CRYBG1: variants seen among roughly 807,000 people sequenced by gnomAD.
The protein encoded by CRYBG1 is beta/gamma crystallin domain-containing protein 1.
In CRYBG1, 139 loss-of-function variants were observed where a neutral mutation model predicts 189.2. That is an observed-to-expected ratio of 0.73 (90% CI 0.64 to 0.85). The LOEUF (loss-of-function observed/expected upper bound fraction) is 0.85. CRYBG1 is among the 40% of genes least tolerant of loss of function. The probability of loss-of-function intolerance (pLI) is 0.00; values close to 1 mark genes in which losing one functional copy is unlikely to be tolerated. For missense variants in CRYBG1, 2,611 were observed against 2,675.8 expected, an observed-to-expected ratio of 0.98 and a Z score of 0.53; for synonymous variants, 1,023 against 1,017.1, an observed-to-expected ratio of 1.01 and a Z score of -0.11.
At chr6:106,537,273 C>T (rs79463573) in intron 8 of CRYBG1, among the ~76,000 whole-genome samples, 1,551 of 152,282 alleles carry the variant, frequency 0.01, 27 homozygotes, top group African/African-American at 0.035. Flanking sequence ...ATCGCTTGCT[C>T]GTGAGCCGTA....
chr6:106,460,851 G>C (rs1368622836), intron 2 of CRYBG1, among the ~76,000 whole-genome samples: 4 of 152,132 alleles, frequency 2.6e-5, no homozygotes, highest in African/African-American at 9.7e-5. Flanking sequence ...CAGAGGCTAG[G>C]TCTTGGCTCA....
rs1006148219 is a variant in CRYBG1, at chr6:106,361,141, C to A, written c.173+60C>A. On this transcript the variant is annotated intron_variant, in intron 1 of 21. Transcript: ENST00000633556. ...CCTCCTCCTCCTCCTTCTCCTGCTGCGCTAGCCCTTGGACTCCTGACCCCA... is the reference window on the plus strand; with the variant it reads ...CCTCCTCCTCCTCCTTCTCCTGCTGAGCTAGCCCTTGGACTCCTGACCCCA... 1.2e-5 allele frequency: 18 copies of A among 1,497,850 alleles called. No homozygotes were observed. In the African/African-American group the frequency reaches 2.5e-4, roughly 21 times the overall value. 92.8% of individuals were successfully genotyped at this position (1,497,850 alleles called of 1,614,324 possible).
chr6:106,424,727 G>A (rs1024757021), intron 1 of CRYBG1, among the ~76,000 whole-genome samples: 1 of 152,154 alleles, frequency 6.6e-6, no homozygotes, highest in South Asian at 2.1e-4. Flanking sequence ...CTCCCAAAGT[G>A]CTGAGATTAC....
chr6:106,564,421 C>T (rs1774817032), intron 21 of CRYBG1, among the ~76,000 whole-genome samples: 1 of 152,222 alleles, frequency 6.6e-6, no homozygotes, highest in Non-Finnish European at 1.5e-5. Flanking sequence ...AAGGAATTAA[C>T]ACAGCCTACA....
In CRYBG1 at chr6:106,561,398, T is replaced by C. The variant is rs142953667; in HGVS notation, c.6036T>C (p.Asn2012=). 9 of 1,614,060 alleles carry C rather than the reference T, an allele frequency of 5.6e-6. No homozygotes were observed. The African/African-American group carries it at 8.0e-5, about 14-fold the overall frequency. ...NKATGLFMST[N]GNLEDLKLLR... ...CAACAGGGTTATTCATGTCAACCAA[T>C]GGAAACTTAGAGGATCTGAAGCTTC... Residue 2012 remains asparagine (N), a synonymous_variant, in exon 20 of 22, where the codon AAT becomes AAC. Coordinates refer to ENST00000633556, the MANE Select transcript of CRYBG1 (RefSeq NM_001371242.2).
chr6:106,367,604 A>AAAT (rs1232338593), intron 1 of CRYBG1, among the ~76,000 whole-genome samples: 1 of 151,130 alleles, frequency 6.6e-6, no homozygotes, highest in East Asian at 1.9e-4. Context: ...AAAAAAAAAA[A>AAAT]ATCAAATACA....
intron 2 of CRYBG1, among the ~76,000 whole-genome samples, chr6:106,476,513 T>C (rs1031873856): frequency 3.3e-5 from 5 of 152,246 alleles, no homozygotes; most frequent in African/African-American, 1.2e-4. Context: ...TTTGGTTAAA[T>C]TTCCTGGCAG....
At chr6:106,424,021 C>T (rs1771180619) in intron 1 of CRYBG1, among the ~76,000 whole-genome samples, 1 of 150,564 alleles carries the variant, frequency 6.6e-6, no homozygotes, top group African/African-American at 2.5e-5. Context: ...TCCTTTCCTT[C>T]TCTCTCTCTC....
intron 2 of CRYBG1, among the ~76,000 whole-genome samples, chr6:106,471,175 A>C (rs1433155320): frequency 6.6e-6 from 1 of 152,232 alleles, no homozygotes; most frequent in Non-Finnish European, 1.5e-5. Context: ...AATTCATTGC[A>C]TGATTTCTGG....
chr6:106,566,071 C>T (rs1774876058), intron 21 of CRYBG1, among the ~76,000 whole-genome samples: 1 of 151,502 alleles, frequency 6.6e-6, no homozygotes, highest in African/African-American at 2.4e-5. Flanking sequence ...CACTATGATC[C>T]TTAGCTAGAG....
At chr6:106,522,849 G>A (rs1773641871) in intron 4 of CRYBG1, among the ~76,000 whole-genome samples, 1 of 152,192 alleles carries the variant, frequency 6.6e-6, no homozygotes. Flanking sequence ...GTTTCCAGCA[G>A]AGGTGCAGAT....
rs1262306845 is a variant in CRYBG1 at position 106,570,542 on chromosome 6, T to C, written c.*1976T>C. 1 of 152,228 alleles carries C rather than the reference T, an allele frequency of 6.6e-6. No individual in the cohort carries two copies. The highest frequency in any genetic ancestry group is 2.4e-5 in the African/African-American group (1 of 41,460). 9.4% of individuals were successfully genotyped at this position (152,228 alleles called of 1,614,324 possible). On this transcript the variant is annotated 3_prime_UTR_variant, in exon 22 of 22. Transcript: ENST00000633556. ...ATTAGAAACAAATGTCTGATTAGGA[T>C]GAAGCAGGTTTGAGGGGTGCTGGTA...
intron 1 of CRYBG1, among the ~76,000 whole-genome samples, chr6:106,386,821 T>C (rs1174594300): frequency 6.6e-6 from 1 of 152,200 alleles, no homozygotes; most frequent in Non-Finnish European, 1.5e-5. Context: ...CACTTCCTGC[T>C]ATGTGGCCTG....
intron 2 of CRYBG1, among the ~76,000 whole-genome samples, chr6:106,481,844 C>T (rs1772467466): frequency 6.6e-6 from 1 of 152,216 alleles, no homozygotes; most frequent in South Asian, 2.1e-4. Flanking sequence ...TCTCCCTGTC[C>T]TTCATGCCTG....
At position 106,360,769 on chromosome 6, in the gene CRYBG1, C is replaced by A; in HGVS notation, c.-140C>A. 5 of 1,025,302 alleles carry A rather than the reference C, an allele frequency of 4.9e-6. No individual in the cohort carries two copies. The highest frequency in any genetic ancestry group is 1.8e-5 in the South Asian group (1 of 55,800). The allele number at this position is 1,025,302 out of a possible 1,614,324, so 63.5% of individuals were successfully genotyped here. On this transcript the variant is annotated 5_prime_UTR_variant, in exon 1 of 22. Transcript: ENST00000633556. Reference sequence around the variant, plus strand: ...GGTTCTGCAACCCGCGGCCGTCCCCCCGCATCCGCGACGAGGGGGCGGGGT... The same window carrying A: ...GGTTCTGCAACCCGCGGCCGTCCCCACGCATCCGCGACGAGGGGGCGGGGT...
intron 18 of CRYBG1, among the ~76,000 whole-genome samples, chr6:106,559,354 T>C (rs2114595678): frequency 6.6e-6 from 1 of 152,346 alleles, no homozygotes; most frequent in Admixed American, 6.5e-5. Flanking sequence ...TACTTTTGAA[T>C]AAGATATAAA....
intron 18 of CRYBG1, among the ~76,000 whole-genome samples, chr6:106,560,521 G>A (rs999038476): frequency 2.0e-5 from 3 of 152,126 alleles, no homozygotes; most frequent in Non-Finnish European, 2.9e-5. Flanking sequence ...GAAGAACTGA[G>A]GAATCCACTA....
At chr6:106,554,701 C>A (rs936298876) in intron 16 of CRYBG1, among the ~76,000 whole-genome samples, 2 of 152,190 alleles carry the variant, frequency 1.3e-5, no homozygotes, top group African/African-American at 4.8e-5. Context: ...TCCTCGTTAT[C>A]CCCTGCCTGC....
At chr6:106,479,107 A>G (rs1772392952) in intron 2 of CRYBG1, among the ~76,000 whole-genome samples, 1 of 152,190 alleles carries the variant, frequency 6.6e-6, no homozygotes, top group African/African-American at 2.4e-5. Context: ...CCTTTTATTC[A>G]TTAGTTGATG....
Sources: gnomAD v4.1 joint callset for allele counts (sites outside exome capture counted in the v4.1 genomes callset) on GRCh38, gnomAD v4.1.1 for gene constraint, MANE v1.5 for transcripts, NCBI Gene and HGNC (gene_info 2026-07-23, HGNC 2026-07-21) for gene names.